Variants in FAM107A observed in about 807,000 individuals in gnomAD.
FAM107A encodes the protein family with sequence similarity 107 member A, also known as actin-associated protein FAM107A.
FAM107A carries 19 observed loss-of-function variants against 13.7 expected under a neutral mutation model. The observed-to-expected ratio is 1.38, with a 90% CI of 0.97 to 2.03. The LOEUF is 2.03. Ranked by LOEUF, FAM107A falls within the 30% of genes most tolerant of loss-of-function variation. FAM107A has a pLI of 0.00. For synonymous variants in FAM107A, 82 were observed against 74.5 expected (o/e 1.10, Z -0.52); for missense variants, 203 against 184.4 (o/e 1.10, Z -0.58).
intron 1 of FAM107A, among the ~76,000 whole-genome samples, chr3:58,586,445 T>TG (rs2065606375): frequency 6.6e-6 from 1 of 151,854 alleles, no homozygotes; most frequent in African/African-American, 2.4e-5. Context: ...AAAAAGTAAT[T>TG]AAAAAGAATG....
intron 1 of FAM107A, among the ~76,000 whole-genome samples, chr3:58,626,798 C>G (rs891352976): frequency 5.3e-5 from 8 of 152,176 alleles, no homozygotes; most frequent in African/African-American, 1.9e-4. Context: ...ACTGGTTCTT[C>G]CCTGAGCCCT....
At position 58,567,348 on chromosome 3, in the gene FAM107A, T is replaced by C. The variant is rs138111466; in HGVS notation, c.187A>G (p.Ser63Gly). The change falls in exon 3 of 4, where the codon AGC becomes GGC. Residue 63 changes from serine to glycine, a missense_variant. Physicochemically the swap from Ser to Gly is moderately conservative, Grantham distance 56. Transcript: ENST00000360997. ...AGGACACGCTGCAGCTCTGGCTTGC[T>C]GTCCACACCAAGGCCCCTGGGGTGG... is the stretch of plus-strand genomic sequence containing the variant. ...MNHRRGLGVD[S>G]KPELQRVLEH... 6.2e-7 allele frequency: 1 copy of C among 1,611,354 alleles called. No individual in the cohort carries two copies. Among genetic ancestry groups the C allele is most frequent in the Admixed American group, 1.7e-5 (1 of 59,882 alleles).
At chr3:58,587,248 C>G, upstream of FAM107A, 1 of 499,026 alleles carries the variant, frequency 2.0e-6, no homozygotes, top group Non-Finnish European at 3.0e-6. Context: ...CTTCCAGCCT[C>G]GGTCTCCCAC....
At chr3:58,619,986 C>G (rs573823813) in intron 1 of FAM107A, among the ~76,000 whole-genome samples, 1 of 152,172 alleles carries the variant, frequency 6.6e-6, no homozygotes, top group East Asian at 1.9e-4. Context: ...TATGTCCCTT[C>G]CCCCCAGCCT....
At chr3:58,585,098 C>A (rs1204526735) in intron 1 of FAM107A, among the ~76,000 whole-genome samples, 1 of 152,218 alleles carries the variant, frequency 6.6e-6, no homozygotes, top group Non-Finnish European at 1.5e-5. Context: ...TTTTCCGAGG[C>A]CCCGCTCCCT....
intron 1 of FAM107A, among the ~76,000 whole-genome samples, chr3:58,606,880 T>C (rs550973119): frequency 6.6e-6 from 1 of 152,280 alleles, no homozygotes; most frequent in South Asian, 2.1e-4. Context: ...AATGAGATAA[T>C]CTTGTAGCTG....
intron 1 of FAM107A, among the ~76,000 whole-genome samples, chr3:58,616,625 A>G (rs2065904337): frequency 1.3e-5 from 2 of 151,868 alleles, no homozygotes; most frequent in South Asian, 4.2e-4. Context: ...CAAGGGCAGA[A>G]CACCACGGAT....
chr3:58,625,856 G>T (rs376267936), intron 1 of FAM107A, among the ~76,000 whole-genome samples: 1 of 152,242 alleles, frequency 6.6e-6, no homozygotes, highest in African/African-American at 2.4e-5. Flanking sequence ...CCCTGGCTAA[G>T]AAATTACTTC....
intron 1 of FAM107A, among the ~76,000 whole-genome samples, chr3:58,612,360 A>G (rs2065862637): frequency 6.6e-6 from 1 of 152,146 alleles, no homozygotes; most frequent in Non-Finnish European, 1.5e-5. Context: ...GGGGCAGATC[A>G]CTTGTGCTCA....
chr3:58,569,704 T>C lies in FAM107A; in HGVS notation c.157A>G (p.Met53Val). The change falls in exon 2 of 4, where the codon ATG (methionine) becomes GTG (valine). Residue 53 changes from methionine (M) to valine (V), a missense_variant. Transcript: ENST00000360997. This position sits in a 1 kb window ranked among gnomAD's most constrained non-coding sequence, Gnocchi z 5.7. The stretch of plus-strand genomic sequence containing the variant: ...CTTCATCCCTACCTTCTGTGGTTCA[T>C]GAGCAGCTCCCGGTGGAGCTCCTGG... ...SHQELHRELL[M>V]NHRRGLGVDS... The C allele has an allele frequency of 1.2e-6, 2 of 1,613,426 alleles. No homozygotes were observed. Among genetic ancestry groups the C allele is most frequent in the East Asian group, 2.2e-5 (1 of 44,844 alleles).
chr3:58,577,579 A>T, upstream of FAM107A: 1 of 985,468 alleles, frequency 1.0e-6, no homozygotes, highest in Non-Finnish European at 1.2e-6. The surrounding 1 kb of genome is among the most constrained non-coding windows in gnomAD (Gnocchi z 4.9). Flanking sequence ...TGTCCAAGCC[A>T]CACGCTTGAG....
upstream of FAM107A, among the ~76,000 whole-genome samples, chr3:58,580,963 A>C (rs1228194796): frequency 6.6e-6 from 1 of 151,762 alleles, no homozygotes; most frequent in Non-Finnish European, 1.5e-5. Flanking sequence ...CATCTGGCTC[A>C]GTTATGTCAT....
upstream of FAM107A, among the ~76,000 whole-genome samples, chr3:58,588,446 C>G (rs1406097233): frequency 6.6e-6 from 1 of 152,236 alleles, no homozygotes; most frequent in Non-Finnish European, 1.5e-5. Context: ...TCCCCAGACA[C>G]CATCCAGTGT....
At chr3:58,584,475 C>T (rs2065581936) in intron 1 of FAM107A, among the ~76,000 whole-genome samples, 2 of 152,036 alleles carry the variant, frequency 1.3e-5, no homozygotes, top group Admixed American at 1.3e-4. Context: ...ATGGATGGAC[C>T]GCAGTTTGAA....
exon 1 of FAM107A, chr3:58,587,069 ACGG>A (rs2065614948): frequency 2.2e-6 from 3 of 1,359,742 alleles, no homozygotes; most frequent in South Asian, 1.7e-5. Context: ...GGGTCAAGTT[ACGG>A]CGGCGGCCGG....
At chr3:58,579,426 T>A (rs1265373561), upstream of FAM107A, among the ~76,000 whole-genome samples, 1 of 152,172 alleles carries the variant, frequency 6.6e-6, no homozygotes, top group Non-Finnish European at 1.5e-5. Flanking sequence ...TCCCTTTTTT[T>A]CTTCTTCCCC....
intron 1 of FAM107A, among the ~76,000 whole-genome samples, chr3:58,625,311 G>C (rs746062703): frequency 3.9e-5 from 6 of 152,226 alleles, no homozygotes; most frequent in African/African-American, 1.4e-4. Flanking sequence ...ACAGAAACAG[G>C]CCTTTTCAAA....
chr3:58,583,483 G>A (rs997868497), intron 1 of FAM107A, among the ~76,000 whole-genome samples: 4 of 152,096 alleles, frequency 2.6e-5, no homozygotes, highest in Non-Finnish European at 5.9e-5. Context: ...TTAGCCGGGC[G>A]TGGTGGCGGG....
At chr3:58,610,154 C>T (rs945785114) in intron 1 of FAM107A, among the ~76,000 whole-genome samples, 3 of 152,154 alleles carry the variant, frequency 2.0e-5, no homozygotes, top group Non-Finnish European at 4.4e-5. Flanking sequence ...CTACCAGATA[C>T]AGCACCATAG....
Sources: allele counts gnomAD v4.1 joint callset (sites outside exome capture counted in the v4.1 genomes callset), GRCh38; gene constraint gnomAD v4.1.1; non-coding constraint Gnocchi (gnomAD v3.1); transcripts MANE v1.5; gene names NCBI Gene and HGNC (gene_info 2026-07-23, HGNC 2026-07-21).